SNTG2: variants seen among roughly 807,000 people sequenced by gnomAD.
SNTG2 encodes syntrophin gamma 2, also known as gamma-2-syntrophin.
A neutral mutation model predicts 70.9 loss-of-function variants in SNTG2; 74 were observed. The ratio of observed to expected loss-of-function variants is 1.04; its 90% confidence interval spans 0.86 to 1.27. The LOEUF is 1.27. SNTG2 is among the 50% of genes most tolerant of loss of function. The probability of loss-of-function intolerance (pLI) is 0.00; values close to 1 mark genes in which losing one functional copy is unlikely to be tolerated. For synonymous variants in SNTG2, 278 were observed against 273.8 expected (o/e 1.02, Z -0.15); for missense variants, 717 against 690.7 (o/e 1.04, Z -0.43).
At chr2:1,257,728 A>T in intron 12 of SNTG2, among the ~76,000 whole-genome samples, 1 of 152,240 alleles carries the variant, frequency 6.6e-6, no homozygotes, top group Admixed American at 6.5e-5. Flanking sequence ...ACCTAAAAGC[A>T]ATCTACAATG....
intron 1 of SNTG2, among the ~76,000 whole-genome samples, chr2:971,092 T>C (rs1660724768): frequency 1.3e-5 from 2 of 152,192 alleles, no homozygotes; most frequent in African/African-American, 4.8e-5. Context: ...ATCAAGGAGA[T>C]TGGCCTGAAG....
intron 4 of SNTG2, among the ~76,000 whole-genome samples, chr2:1,126,097 C>T (rs979728275): frequency 3.3e-5 from 5 of 152,166 alleles, no homozygotes; most frequent in Non-Finnish European, 7.4e-5. Flanking sequence ...AGTATTCCTC[C>T]TATCTAGCTG....
chr2:1,057,341 T>C (rs1224178852), intron 1 of SNTG2, among the ~76,000 whole-genome samples: 1 of 152,104 alleles, frequency 6.6e-6, no homozygotes, highest in Non-Finnish European at 1.5e-5. Context: ...TTAGTCAGGG[T>C]TCTCCAGAGG....
At chr2:1,141,636 C>T (rs1337764209) in intron 6 of SNTG2, among the ~76,000 whole-genome samples, 1 of 152,220 alleles carries the variant, frequency 6.6e-6, no homozygotes, top group Admixed American at 6.5e-5. Flanking sequence ...TTCAAGTTTT[C>T]CCTACAGCAT....
intron 1 of SNTG2, among the ~76,000 whole-genome samples, chr2:990,489 C>T (rs1455459567): frequency 6.6e-6 from 1 of 152,168 alleles, no homozygotes; most frequent in African/African-American, 2.4e-5. Flanking sequence ...TGGGGGAGCT[C>T]TCCTGCCTCT....
chr2:1,127,871 T>A (rs1262221894), intron 4 of SNTG2, among the ~76,000 whole-genome samples: 1 of 152,190 alleles, frequency 6.6e-6, no homozygotes, highest in Non-Finnish European at 1.5e-5. Context: ...ACCTTTAGGT[T>A]TTTCTATACA....
chr2:1,018,713 C>T (rs1659991805), intron 1 of SNTG2, among the ~76,000 whole-genome samples: 2 of 152,100 alleles, frequency 1.3e-5, no homozygotes, highest in African/African-American at 4.8e-5. Flanking sequence ...AAAGCCAATG[C>T]ATGCTCAAGT....
chr2:1,174,501 TAA>T (rs1231618887), intron 8 of SNTG2, among the ~76,000 whole-genome samples: 2 of 152,178 alleles, frequency 1.3e-5, no homozygotes, highest in Non-Finnish European at 2.9e-5. Context: ...TTATCATCAT[TAA>T]AAGAGGTGCA....
intron 16 of SNTG2, among the ~76,000 whole-genome samples, chr2:1,324,189 T>C (rs1235000832): frequency 1.3e-5 from 2 of 152,150 alleles, no homozygotes; most frequent in African/African-American, 4.8e-5. Flanking sequence ...TGGCGGAGAC[T>C]CCCCAGTATG....
chr2:958,589 A>G (rs181139156), intron 1 of SNTG2, among the ~76,000 whole-genome samples: 233 of 152,336 alleles, frequency 1.5e-3, no homozygotes, highest in African/African-American at 5.2e-3. Context: ...GAAAAAAAAG[A>G]AAACCTCTAA....
chr2:1,285,488 G>A (rs181854116), intron 14 of SNTG2, among the ~76,000 whole-genome samples: 1 of 152,206 alleles, frequency 6.6e-6, no homozygotes, highest in East Asian at 1.9e-4. Context: ...GACTGGAAAC[G>A]CACCAATCCC....
chr2:1,365,427 A>G (rs28368212), intron 16 of SNTG2, among the ~76,000 whole-genome samples: 5,163 of 152,178 alleles, frequency 0.034, 278 homozygotes, highest in African/African-American at 0.11. Flanking sequence ...CTTAATTCAA[A>G]TTGGAATAAA....
intron 4 of SNTG2, among the ~76,000 whole-genome samples, chr2:1,133,696 C>G (rs2148320643): frequency 1.1e-5 from 1 of 95,162 alleles, no homozygotes; most frequent in South Asian, 4.0e-4. Context: ...CATTTTACCA[C>G]TTTTTAATTT....
At position 1,233,521 on chromosome 2, in the gene SNTG2, G is replaced by A. The variant is rs529679261; in HGVS notation, c.720-4367G>A. On this transcript the variant is annotated intron_variant, in intron 9 of 16. Coordinates refer to ENST00000308624, the MANE Select transcript of SNTG2 (RefSeq NM_018968.4). ...AGAGCTGGGCTGTGGGGCTTTTCCC[G>A]GCAGGAGCCGCAGGGTGCAGGGTTG... Among the ~76,000 whole-genome samples, 114 of 152,276 alleles carry A rather than the reference G, an allele frequency of 7.5e-4. 1 individual carries two copies. Among genetic ancestry groups the A allele is most frequent in the African/African-American group, 2.5e-3 (102 of 41,566 alleles).
At chr2:1,078,370 CAGTT>C (rs1664062876) in intron 1 of SNTG2, among the ~76,000 whole-genome samples, 1 of 152,134 alleles carries the variant, frequency 6.6e-6, no homozygotes, top group Non-Finnish European at 1.5e-5. Context: ...TTTAACTGGT[CAGTT>C]AGGGAAGCTG....
intron 8 of SNTG2, among the ~76,000 whole-genome samples, chr2:1,197,111 C>G (rs991753550): frequency 6.6e-6 from 1 of 152,094 alleles, no homozygotes; most frequent in Non-Finnish European, 1.5e-5. Context: ...TAAGTCCTCA[C>G]CTATCAATAA....
chr2:1,314,029 A>G lies in SNTG2; in HGVS notation c.1378-2236A>G, dbSNP rs191170932. Among the ~76,000 whole-genome samples the G allele has an allele frequency of 3.0e-3, 451 of 152,346 alleles. 4 individuals carry two copies. The highest frequency in any genetic ancestry group is 0.01 in the African/African-American group (426 of 41,580). The stretch of plus-strand genomic sequence containing the variant: ...AGGACCATTTTGAATTCTTTAAACA[A>G]TAAACAGGACTTTTACATAGATATT... On this transcript the variant is annotated intron_variant, in intron 15 of 16. Coordinates refer to ENST00000308624, the MANE Select transcript of SNTG2 (RefSeq NM_018968.4).
chr2:1,186,277 TAGC>T lies in SNTG2; in HGVS notation c.591+13096_591+13098del, dbSNP rs542979599. Among the ~76,000 whole-genome samples the T allele has an allele frequency of 1.5e-4, 23 of 152,110 alleles. No individual in the cohort carries two copies. In the South Asian group the frequency reaches 4.4e-3, roughly 29 times the overall value. ...CACTATCAGCATTTTGGTCACAACT[TAGC>T]AAGTCTCTAGGAAGTTTCAAACATT... On this transcript the variant is annotated intron_variant, in intron 8 of 16. Coordinates refer to ENST00000308624, the MANE Select transcript of SNTG2 (RefSeq NM_018968.4).
Position 1,191,295 on chromosome 2 carries a change from A to G in SNTG2, c.592-17808A>G, listed in dbSNP as rs148392882. Among the ~76,000 whole-genome samples the G allele has an allele frequency of 2.0e-3, 298 of 152,310 alleles. 4 individuals are homozygous for G. Among genetic ancestry groups the G allele is most frequent in the East Asian group, 0.016 (84 of 5,178 alleles). ...TTTTACTAGGAATAGATTTAGTGGC[A>G]AATTGAAGTGCATTTGAATTGCTCT... On this transcript the variant is annotated intron_variant, in intron 8 of 16. Transcript: ENST00000308624.
Sources: allele counts gnomAD v4.1 joint callset (sites outside exome capture counted in the v4.1 genomes callset), GRCh38; gene constraint gnomAD v4.1.1; transcripts MANE v1.5; gene names NCBI Gene and HGNC (gene_info 2026-07-23, HGNC 2026-07-21).